Variants in ABCC4 observed in about 807,000 individuals in gnomAD.
The protein encoded by ABCC4 is ATP-binding cassette sub-family C member 4.
Under a neutral mutation model 168.5 loss-of-function variants are expected in ABCC4, and 102 were observed. The observed-to-expected ratio is 0.61, with a 90% CI of 0.52 to 0.71. The LOEUF (loss-of-function observed/expected upper bound fraction) is 0.71, where lower values mean the gene tolerates loss of function less well. Among genes scored for constraint, ABCC4 ranks in the 30% least tolerant of loss-of-function variants. ABCC4 has a pLI of 0.00. For synonymous variants in ABCC4, 617 were observed against 590.7 expected (o/e 1.04, Z -0.65); for missense variants, 1,402 against 1,605.8 (o/e 0.87, Z 2.17).
intron 1 of ABCC4, among the ~76,000 whole-genome samples, chr13:95,269,740 T>C (rs1315625317): frequency 6.6e-6 from 1 of 152,212 alleles, no homozygotes; most frequent in South Asian, 2.1e-4. Flanking sequence ...TTTCAATGGA[T>C]AATTTAACAG....
At chr13:95,257,802 G>A (rs1300345508) in intron 1 of ABCC4, among the ~76,000 whole-genome samples, 2 of 152,178 alleles carry the variant, frequency 1.3e-5, no homozygotes, top group Non-Finnish European at 2.9e-5. Flanking sequence ...TTACATGCAT[G>A]TGAACATGTA....
intron 29 of ABCC4, among the ~76,000 whole-genome samples, chr13:95,035,705 T>A (rs1327725992): frequency 1.3e-5 from 2 of 152,184 alleles, no homozygotes; most frequent in Non-Finnish European, 2.9e-5. Flanking sequence ...TACTTATTAG[T>A]GGCTTTGGTT....
chr13:95,158,196 G>T (rs531672275), intron 19 of ABCC4, among the ~76,000 whole-genome samples: 1 of 152,150 alleles, frequency 6.6e-6, no homozygotes, highest in Non-Finnish European at 1.5e-5. Flanking sequence ...GGGCAGTCAG[G>T]GGGACCCTTC....
At chr13:95,212,938 G>C (rs2039004263) in intron 4 of ABCC4, among the ~76,000 whole-genome samples, 1 of 152,000 alleles carries the variant, frequency 6.6e-6, no homozygotes, top group Admixed American at 6.6e-5. Flanking sequence ...GACCAGCCTG[G>C]TCAACACGGT....
Position 95,209,725 on chromosome 13 carries a change from C to CA in ABCC4, c.622-129dup. ...AACAGAAATGGCCACAGTGGGTTTA[C>CA]ACCTGCTAAAGCAGAAAGCCAAGCA... On this transcript the variant is annotated intron_variant, in intron 5 of 30. Coordinates refer to ENST00000645237, the MANE Select transcript of ABCC4 (RefSeq NM_005845.5). The CA allele has an allele frequency of 3.2e-6, 3 of 939,426 alleles. No individual in the cohort carries two copies. In the East Asian group the frequency reaches 8.2e-5, roughly 26 times the overall value. 58.2% of individuals were successfully genotyped at this position (939,426 alleles called of 1,614,324 possible). A position where few individuals can be genotyped will look rare whatever the true frequency, so the allele number is the denominator to read the frequency against.
chr13:95,087,149 T>C (rs989198199), intron 20 of ABCC4, among the ~76,000 whole-genome samples: 8 of 152,292 alleles, frequency 5.3e-5, no homozygotes, highest in Admixed American at 3.3e-4. Context: ...AGGTGTTTAC[T>C]GATAGGGTGG....
chr13:95,030,434 T>C (rs1257396361), intron 30 of ABCC4, among the ~76,000 whole-genome samples: 2 of 152,176 alleles, frequency 1.3e-5, no homozygotes, highest in Admixed American at 6.5e-5. Flanking sequence ...AAGACAATGA[T>C]TGAATTTACC....
intron 21 of ABCC4, among the ~76,000 whole-genome samples, chr13:95,079,706 G>A (rs1301953376): frequency 2.0e-5 from 3 of 152,168 alleles, no homozygotes; most frequent in Admixed American, 1.3e-4. Context: ...GTGGTGGCGG[G>A]TGCCTGCAGT....
chr13:95,028,469 C>G (rs571678331), intron 30 of ABCC4, among the ~76,000 whole-genome samples: 1 of 151,844 alleles, frequency 6.6e-6, no homozygotes, highest in Non-Finnish European at 1.5e-5. Context: ...AAAAACAAAC[C>G]GCTACCACCA....
At chr13:95,203,828 C>A (rs141412284) in intron 8 of ABCC4, among the ~76,000 whole-genome samples, 1 of 152,166 alleles carries the variant, frequency 6.6e-6, no homozygotes, top group African/African-American at 2.4e-5. Flanking sequence ...CTCACACCCC[C>A]CTTGAACAAG....
At chr13:95,086,597 T>A (rs776767358) in intron 20 of ABCC4, among the ~76,000 whole-genome samples, 1 of 152,092 alleles carries the variant, frequency 6.6e-6, no homozygotes, top group Non-Finnish European at 1.5e-5. Context: ...TTTTTAGGTA[T>A]CTATCCACTA....
intron 4 of ABCC4, among the ~76,000 whole-genome samples, chr13:95,221,669 G>A (rs1212257504): frequency 6.6e-5 from 9 of 136,618 alleles, no homozygotes; most frequent in East Asian, 2.2e-4. Context: ...AAAAAAAAAC[G>A]AGAAATAAAA....
At position 95,194,864 on chromosome 13, in the gene ABCC4, A is replaced by G; in HGVS notation, c.1235T>C (p.Val412Ala). 1 of 1,614,166 alleles carries G rather than the reference A, an allele frequency of 6.2e-7. No homozygotes were observed. The highest frequency in any genetic ancestry group is 8.5e-7 in the Non-Finnish European group (1 of 1,180,022). The change falls in exon 9 of 31, where the codon GTG becomes GCG. Residue 412 changes from valine (V) to alanine (A), a missense_variant. Physicochemically the swap from Val to Ala is moderately conservative, Grantham distance 64. This residue lies in a region of ABCC4 where 1,007 missense variants were observed against 1,127.3 expected (regional missense o/e 0.89). Transcript: ENST00000645237. ...ATCCCAAAAAGCAGTAAAATCCTGC[A>G]CATGCACCATCTTTTTACCATCTGA... is the stretch of plus-strand genomic sequence containing the variant. ...LPSDGKKMVH[V>A]QDFTAFWDKA... is the part of the protein sequence containing the mutation.
Position 95,118,679 on chromosome 13 carries a change from C to T in ABCC4, c.2456-2678G>A, listed in dbSNP as rs149736618. ...AAATTCCCTCCATGCACATGCCACA[C>T]CTCTTCATCCAAATGACATCTGGCC... On this transcript the variant is annotated intron_variant, in intron 19 of 30. Coordinates refer to ENST00000645237, the MANE Select transcript of ABCC4 (RefSeq NM_005845.5). Among the ~76,000 whole-genome samples, 13 of 152,344 alleles carry T rather than the reference C, an allele frequency of 8.5e-5. 1 individual carries two copies. In the East Asian group the frequency reaches 2.5e-3, roughly 29 times the overall value.
At chr13:95,266,154 T>A (rs916143448) in intron 1 of ABCC4, 1 of 152,218 alleles carries the variant, frequency 6.6e-6, no homozygotes, top group East Asian at 1.9e-4. Flanking sequence ...AAAAGGGTAT[T>A]TGCACATGGA....
intron 30 of ABCC4, 65 bp downstream of exon 30, chr13:95,034,540 T>G: frequency 1.3e-6 from 2 of 1,564,208 alleles, no homozygotes; most frequent in Non-Finnish European, 1.7e-6. Context: ...ATACCCATGG[T>G]GCCAAATTGT....
intron 26 of ABCC4, among the ~76,000 whole-genome samples, chr13:95,055,212 A>G (rs1037849542): frequency 5.3e-5 from 8 of 152,248 alleles, no homozygotes; most frequent in African/African-American, 1.9e-4. Flanking sequence ...AATAACCATC[A>G]TTCTGGTTAT....
intron 19 of ABCC4, chr13:95,148,998 T>A (rs2036588494): frequency 6.6e-6 from 1 of 152,224 alleles, no homozygotes; most frequent in Non-Finnish European, 1.5e-5. Context: ...TTAAAGCTTC[T>A]TCTGTTCAGT....
intron 24 of ABCC4, among the ~76,000 whole-genome samples, chr13:95,072,972 G>A (rs920430382): frequency 6.6e-6 from 1 of 152,064 alleles, no homozygotes; most frequent in African/African-American, 2.4e-5. Context: ...TATTACATCT[G>A]AAAAAGCTTG....
Sources: gnomAD v4.1 joint callset for allele counts (sites outside exome capture counted in the v4.1 genomes callset) on GRCh38, gnomAD v4.1.1 for gene constraint, gnomAD v4.1.1 regional missense constraint, MANE v1.5 for transcripts, NCBI Gene and HGNC (gene_info 2026-07-23, HGNC 2026-07-21) for gene names.